BNC2: variants seen among roughly 807,000 people sequenced by gnomAD.
The protein encoded by BNC2 is zinc finger protein basonuclin-2.
In BNC2, 20 loss-of-function variants were observed where a neutral mutation model predicts 76.3. The ratio of observed to expected loss-of-function variants is 0.26; its 90% CI spans 0.18 to 0.38. BNC2 has a LOEUF of 0.38. Ranked by LOEUF, BNC2 falls within the 10% of genes least tolerant of loss-of-function variation. The probability of loss-of-function intolerance (pLI) is 1.00; values close to 1 mark genes in which losing one functional copy is unlikely to be tolerated. For missense variants in BNC2, 1,382 were observed against 1,399.8 expected (o/e 0.99, Z 0.20); for synonymous variants, 582 against 514.8 (o/e 1.13, Z -1.77).
At chr9:16,458,173 C>T (rs1342239283) in intron 5 of BNC2, among the ~76,000 whole-genome samples, 1 of 151,938 alleles carries the variant, frequency 6.6e-6, no homozygotes, top group Non-Finnish European at 1.5e-5. Flanking sequence ...ATAAACTGTG[C>T]AATAACAGAT....
Position 16,437,276 on chromosome 9 carries a change from A to T in BNC2, c.918T>A (p.Pro306=). The part of the protein sequence containing the change: ...SLLAHLENSN[P]SSIHHFENIP... ...TGTTTTCGAAGTGATGAATGCTGGA[A>T]GGATTGCTGTTCTCTAAGTGAGCAA... The change falls in exon 6 of 7, where the codon CCT becomes CCA. Residue 306 remains proline (P), a synonymous_variant. Transcript: ENST00000380672. 5 of 1,614,166 alleles carry T rather than the reference A, an allele frequency of 3.1e-6. No homozygotes were observed. The highest frequency in any genetic ancestry group is 3.4e-6 in the Non-Finnish European group (4 of 1,180,022).
chr9:16,713,970 A>G (rs913099112), intron 3 of BNC2, among the ~76,000 whole-genome samples: 8 of 152,196 alleles, frequency 5.3e-5, no homozygotes, highest in Admixed American at 1.3e-4. Context: ...GGTACTCCAG[A>G]GACTGAGGTA....
At chr9:16,544,144 T>C (rs1444110601) in intron 5 of BNC2, among the ~76,000 whole-genome samples, 1 of 152,208 alleles carries the variant, frequency 6.6e-6, no homozygotes, top group Non-Finnish European at 1.5e-5. Context: ...TTGTAGTTTA[T>C]ATAATACAAC....
intron 3 of BNC2, among the ~76,000 whole-genome samples, chr9:16,658,637 A>T (rs1380188306): frequency 6.6e-6 from 1 of 152,186 alleles, no homozygotes; most frequent in Non-Finnish European, 1.5e-5. Flanking sequence ...GGGAAAGATC[A>T]TAGGTCTTAT....
chr9:16,853,709 C>T (rs925987065), intron 1 of BNC2, among the ~76,000 whole-genome samples: 1 of 151,888 alleles, frequency 6.6e-6, no homozygotes, highest in Non-Finnish European at 1.5e-5. Context: ...TGTACTAAAA[C>T]TACAAAAAAT....
At chr9:16,796,362 G>C (rs1275993115) in intron 1 of BNC2, among the ~76,000 whole-genome samples, 4 of 152,126 alleles carry the variant, frequency 2.6e-5, no homozygotes, top group South Asian at 2.1e-4. Flanking sequence ...CTAACTTAAA[G>C]CCCTGTGCTG....
chr9:16,801,958 C>T (rs1041744187), intron 1 of BNC2, among the ~76,000 whole-genome samples: 5 of 152,028 alleles, frequency 3.3e-5, no homozygotes, highest in Non-Finnish European at 7.4e-5. Context: ...GTATCATCAA[C>T]TAGTATACAG....
At chr9:16,846,761 A>T (rs983454927) in intron 1 of BNC2, among the ~76,000 whole-genome samples, 1 of 152,248 alleles carries the variant, frequency 6.6e-6, no homozygotes, top group Admixed American at 6.5e-5. Context: ...CCAATCCATG[A>T]AGAGTAAGTG....
At chr9:16,715,200 C>CT (rs1423220631) in intron 3 of BNC2, among the ~76,000 whole-genome samples, 3 of 152,164 alleles carry the variant, frequency 2.0e-5, no homozygotes, top group Admixed American at 1.3e-4. Flanking sequence ...ATTCAGAAAT[C>CT]TTTTATTATT....
chr9:16,822,284 CTG>C (rs1218979841), intron 1 of BNC2, among the ~76,000 whole-genome samples: 3 of 152,088 alleles, frequency 2.0e-5, no homozygotes, highest in African/African-American at 7.2e-5. Flanking sequence ...ATACTAGACT[CTG>C]TTTTCTAACA....
intron 3 of BNC2, among the ~76,000 whole-genome samples, chr9:16,674,548 GGC>G (rs1449516065): frequency 1.3e-5 from 2 of 152,076 alleles, no homozygotes; most frequent in African/African-American, 2.4e-5. Flanking sequence ...TATTTAATCA[GGC>G]AAGCAAAAAG....
chr9:16,746,993 A>G (rs1825029036), intron 1 of BNC2, among the ~76,000 whole-genome samples: 1 of 152,064 alleles, frequency 6.6e-6, no homozygotes, highest in Non-Finnish European at 1.5e-5. Context: ...ATGTAATTGA[A>G]AAAGAATTAT....
intron 5 of BNC2, among the ~76,000 whole-genome samples, chr9:16,495,060 T>C (rs1822358678): frequency 6.6e-6 from 1 of 152,124 alleles, no homozygotes; most frequent in Admixed American, 6.6e-5. Flanking sequence ...TGACTTTCCA[T>C]GAGTTGGAGT....
chr9:16,695,968 A>G (rs925170240), intron 3 of BNC2, among the ~76,000 whole-genome samples: 1 of 152,186 alleles, frequency 6.6e-6, no homozygotes, highest in African/African-American at 2.4e-5. Context: ...ACTCAGAACC[A>G]TACATCATTA....
At chr9:16,644,174 A>C (rs983135351) in intron 3 of BNC2, among the ~76,000 whole-genome samples, 1 of 152,180 alleles carries the variant, frequency 6.6e-6, no homozygotes, top group Non-Finnish European at 1.5e-5. Context: ...AAATCAAAAG[A>C]TATTCCAGAG....
chr9:16,604,347 T>C (rs1820322881), intron 3 of BNC2, among the ~76,000 whole-genome samples: 1 of 152,218 alleles, frequency 6.6e-6, no homozygotes, highest in South Asian at 2.1e-4. Flanking sequence ...ACTGCTATGT[T>C]TATTTTAGAA....
intron 4 of BNC2, among the ~76,000 whole-genome samples, chr9:16,569,138 G>A (rs1025236825): frequency 2.7e-5 from 4 of 149,412 alleles, no homozygotes; most frequent in African/African-American, 9.8e-5. Context: ...CAAATAGTGT[G>A]TCAGTGTTTT....
intron 1 of BNC2, among the ~76,000 whole-genome samples, chr9:16,744,884 T>A (rs2135205983): frequency 6.6e-6 from 1 of 152,378 alleles, no homozygotes; most frequent in African/African-American, 2.4e-5. Context: ...TGTACATGAA[T>A]GAACTAATAG....
chr9:16,571,189 C>T (rs77584592), intron 4 of BNC2, among the ~76,000 whole-genome samples: 1 of 152,108 alleles, frequency 6.6e-6, no homozygotes, highest in East Asian at 1.9e-4. Context: ...TACAGATGTT[C>T]ACACTTAGTA....
Sources: gnomAD v4.1 joint callset for allele counts (sites outside exome capture counted in the v4.1 genomes callset) on GRCh38, gnomAD v4.1.1 for gene constraint, MANE v1.5 for transcripts, NCBI Gene and HGNC (gene_info 2026-07-23, HGNC 2026-07-21) for gene names.